RGSL1: variants seen among roughly 807,000 people sequenced by gnomAD.
RGSL1 encodes the protein regulator of G protein signaling protein-like.
A neutral mutation model predicts 124.7 loss-of-function variants in RGSL1; 97 were observed. That is an observed-to-expected ratio of 0.78 (90% CI 0.66 to 0.92). The LOEUF is 0.92. Ranked by LOEUF, RGSL1 falls within the 40% of genes least tolerant of loss-of-function variation. The pLI, the probability that RGSL1 is intolerant of heterozygous loss-of-function variation, is 0.00. For missense variants in RGSL1, 1,233 were observed against 1,288.4 expected, an observed-to-expected ratio of 0.96 and a Z score of 0.66; for synonymous variants, 424 against 438.1, an observed-to-expected ratio of 0.97 and a Z score of 0.40.
intron 10 of RGSL1, among the ~76,000 whole-genome samples, chr1:182,523,938 T>G (rs930108336): frequency 2.0e-5 from 3 of 152,194 alleles, no homozygotes; most frequent in African/African-American, 7.2e-5. Flanking sequence ...ATGCTCAGAA[T>G]AACATATGCA....
At chr1:182,475,496 G>T (rs965916883) in intron 6 of RGSL1, among the ~76,000 whole-genome samples, 1 of 152,168 alleles carries the variant, frequency 6.6e-6, no homozygotes, top group African/African-American at 2.4e-5. Context: ...TAAGGGCAGG[G>T]CACCTTTGTC....
intron 1 of RGSL1, among the ~76,000 whole-genome samples, chr1:182,452,796 C>G (rs1651955855): frequency 6.6e-6 from 1 of 152,164 alleles, no homozygotes; most frequent in Non-Finnish European, 1.5e-5. Context: ...CCAACAACCA[C>G]CAGTGTCATC....
chr1:182,524,489 T>TCTC (rs1558378775), intron 10 of RGSL1, among the ~76,000 whole-genome samples: 1 of 152,146 alleles, frequency 6.6e-6, no homozygotes, highest in East Asian at 1.9e-4. Context: ...CTAAGTAGTC[T>TCTC]CTCCATAAAA....
chr1:182,482,681 T>C (rs2920134), intron 6 of RGSL1, among the ~76,000 whole-genome samples: 11,933 of 152,266 alleles, frequency 0.078, 644 homozygotes, highest in East Asian at 0.25. Context: ...GGAGTGTAAA[T>C]TGGTGTGACC....
At chr1:182,493,538 C>T (rs1466408270) in intron 9 of RGSL1, among the ~76,000 whole-genome samples, 1 of 152,126 alleles carries the variant, frequency 6.6e-6, no homozygotes, top group Non-Finnish European at 1.5e-5. Context: ...GAGGTAGATG[C>T]TGAACTGTGA....
chr1:182,475,811 A>G (rs767459425), intron 6 of RGSL1, among the ~76,000 whole-genome samples: 3 of 152,230 alleles, frequency 2.0e-5, no homozygotes, highest in Non-Finnish European at 4.4e-5. Context: ...AAGAGTAGAA[A>G]GTAGATCTGG....
At chr1:182,555,379 A>G (rs34156980) in intron 20 of RGSL1, 22,380 of 154,056 alleles carry the variant, frequency 0.15, 2,054 homozygotes, top group Middle Eastern at 0.26. Context: ...CTTTATTCAG[A>G]TGATCTTTTA....
chr1:182,533,684 T>C (rs1297126826), intron 14 of RGSL1, among the ~76,000 whole-genome samples: 2 of 152,226 alleles, frequency 1.3e-5, no homozygotes. Flanking sequence ...GGAATGAGAA[T>C]TGTTTCTATT....
intron 9 of RGSL1, among the ~76,000 whole-genome samples, chr1:182,500,054 G>A (rs371549624): frequency 7.2e-4 from 110 of 152,074 alleles, no homozygotes; most frequent in African/African-American, 2.1e-3. Flanking sequence ...TTTTTTGCTC[G>A]TGCTTTTAGT....
chr1:182,506,848 T>C (rs539090232), intron 9 of RGSL1, among the ~76,000 whole-genome samples: 57 of 152,334 alleles, frequency 3.7e-4, no homozygotes, highest in Middle Eastern at 3.4e-3. Context: ...AAAATTAGTA[T>C]ACTTGGGATA....
intron 9 of RGSL1, among the ~76,000 whole-genome samples, chr1:182,504,098 A>G (rs1245993005): frequency 6.6e-6 from 1 of 150,614 alleles, no homozygotes; most frequent in East Asian, 2.0e-4. Flanking sequence ...CCCCTGCCTC[A>G]GCCTCCTGAG....
intron 6 of RGSL1, among the ~76,000 whole-genome samples, chr1:182,476,942 T>C (rs1448596735): frequency 6.6e-6 from 1 of 152,222 alleles, no homozygotes; most frequent in East Asian, 1.9e-4. Context: ...CTTGGCCATT[T>C]GATATAAAAT....
At chr1:182,452,059 A>G (rs1221353218) in intron 1 of RGSL1, among the ~76,000 whole-genome samples, 1 of 151,934 alleles carries the variant, frequency 6.6e-6, no homozygotes, top group Non-Finnish European at 1.5e-5. Context: ...CAGAGAGAAG[A>G]GCCTCAGTTT....
At chr1:182,501,307 CTTTTTTTTTTTTTTT>C (rs141279993) in intron 9 of RGSL1, among the ~76,000 whole-genome samples, 2 of 61,344 alleles carry the variant, frequency 3.3e-5, no homozygotes, top group Admixed American at 2.7e-4. Context: ...TTTTTCTTTT[CTTTTTTTTTTTTTTT>C]TTTTTTTTTT....
intron 17 of RGSL1, 144 bp downstream of exon 17, chr1:182,548,968 A>C (rs1660397473): frequency 2.1e-6 from 2 of 965,524 alleles, no homozygotes. Context: ...AATCCTATTC[A>C]CCTCACTCCA....
chr1:182,454,958 C>T (rs3898267), intron 2 of RGSL1, among the ~76,000 whole-genome samples: 2,335 of 152,218 alleles, frequency 0.015, 53 homozygotes, highest in African/African-American at 0.054. Flanking sequence ...GTGGGAGAAG[C>T]ACCCTCTCTA....
chr1:182,542,549 T>A (rs1307237686), intron 15 of RGSL1, among the ~76,000 whole-genome samples: 2 of 148,902 alleles, frequency 1.3e-5, no homozygotes, highest in Non-Finnish European at 3.0e-5. Context: ...CTATTCAGGG[T>A]CTTTTGTGGT....
intron 14 of RGSL1, among the ~76,000 whole-genome samples, chr1:182,539,311 A>G (rs1316677488): frequency 6.6e-6 from 1 of 152,178 alleles, no homozygotes; most frequent in Non-Finnish European, 1.5e-5. Flanking sequence ...AGAGAGAAAG[A>G]TTGAAAGATA....
chr1:182,493,729 C>A (rs1169791230), intron 9 of RGSL1, among the ~76,000 whole-genome samples: 5 of 152,172 alleles, frequency 3.3e-5, no homozygotes, highest in Admixed American at 3.3e-4. Flanking sequence ...CAGGCAGTTT[C>A]CTTTGGCTGA....
Sources: gnomAD v4.1 joint callset for allele counts (sites outside exome capture counted in the v4.1 genomes callset) on GRCh38, gnomAD v4.1.1 for gene constraint, MANE v1.5 for transcripts, NCBI Gene and HGNC (gene_info 2026-07-23, HGNC 2026-07-21) for gene names.